Variants in TNFRSF1B observed in about 807,000 individuals in gnomAD.
TNFRSF1B encodes the protein TNF receptor superfamily member 1B.
TNFRSF1B carries 19 observed loss-of-function variants against 44.6 expected under a neutral mutation model. The observed-to-expected ratio is 0.43, with a 90% CI of 0.30 to 0.62. The LOEUF (loss-of-function observed/expected upper bound fraction) is 0.62. Among genes scored for constraint, TNFRSF1B ranks in the 20% least tolerant of loss-of-function variants. The pLI, the probability that TNFRSF1B is intolerant of heterozygous loss-of-function variation, is 0.16. For synonymous variants in TNFRSF1B, 252 were observed against 261.1 expected (o/e 0.97, Z 0.34); for missense variants, 541 against 619.9 (o/e 0.87, Z 1.35).
chr1:12,190,122 A>G (rs1570153290), intron 2 of TNFRSF1B, among the ~76,000 whole-genome samples: 1 of 152,080 alleles, frequency 6.6e-6, no homozygotes, highest in South Asian at 2.1e-4. Context: ...GCATATGAGT[A>G]CCTGTCACCG....
chr1:12,169,121 C>T lies in TNFRSF1B; in HGVS notation c.78+1952C>T, dbSNP rs1031058446. On this transcript the variant is annotated intron_variant, in intron 1 of 9. Coordinates refer to ENST00000376259, the MANE Select transcript of TNFRSF1B (RefSeq NM_001066.3). The surrounding 1 kb of genome is among the most constrained non-coding windows in gnomAD (Gnocchi z 4.5). Reference sequence around the variant, plus strand: ...GCCATTCTCTCCAGGAAAGCCTTTCCGCATTCTCAGTTGGATTTGATCTTC... The same window carrying T: ...GCCATTCTCTCCAGGAAAGCCTTTCTGCATTCTCAGTTGGATTTGATCTTC... Among the ~76,000 whole-genome samples the T allele has an allele frequency of 9.2e-5, 14 of 152,204 alleles. No homozygotes were observed. The highest frequency in any genetic ancestry group is 1.3e-4 in the Non-Finnish European group (9 of 68,042).
At position 12,202,076 on chromosome 1, in the gene TNFRSF1B, C is replaced by A; in HGVS notation, c.1010C>A (p.Ala337Glu). 5 of 1,596,264 alleles carry A rather than the reference C, an allele frequency of 3.1e-6. No homozygotes were observed. Among genetic ancestry groups the A allele is most frequent in the Non-Finnish European group, 4.3e-6 (5 of 1,172,204 alleles). The change falls in exon 9 of 10, where the codon GCG becomes GAG. Residue 337 changes from alanine (A) to glutamate (E), a missense_variant. Ala to Glu is a moderately radical substitution (Grantham distance 107). Coordinates refer to ENST00000376259, the MANE Select transcript of TNFRSF1B (RefSeq NM_001066.3). Reference sequence around the variant, plus strand: ...AGCTCCCTGGAGAGCTCGGCCAGTGCGTTGGACAGAAGGGCGCCCACTCGG... The same window carrying A: ...AGCTCCCTGGAGAGCTCGGCCAGTGAGTTGGACAGAAGGGCGCCCACTCGG... The part of the protein sequence containing the change: ...SSSSLESSAS[A>E]LDRRAPTRNQ...
chr1:12,183,679 T>TCTATCTATCTATTCTAA lies in TNFRSF1B; in HGVS notation c.79-5105_79-5104insTCTAACTATCTATCTAT, dbSNP rs1553163408. On this transcript the variant is annotated intron_variant, in intron 1 of 9. Coordinates refer to ENST00000376259, the MANE Select transcript of TNFRSF1B (RefSeq NM_001066.3). ...TTTTATCTATCTATCTATCTATCTA[T>TCTATCTATCTATTCTAA]CTATCTATCTATCTATCTATCTATC... Among the ~76,000 whole-genome samples, 6 of 127,174 alleles carry TCTATCTATCTATTCTAA rather than the reference T, an allele frequency of 4.7e-5. 1 individual carries two copies. The highest frequency in any genetic ancestry group is 1.1e-4 in the African/African-American group (4 of 36,662). The allele number at this position is 127,174 out of a possible 152,430, so 83.4% of individuals were successfully genotyped here.
chr1:12,178,726 G>T lies in TNFRSF1B; in HGVS notation c.79-10070G>T, dbSNP rs1638721330. Among the ~76,000 whole-genome samples, 1 of 152,176 alleles carries T rather than the reference G, an allele frequency of 6.6e-6. No homozygotes were observed. The highest frequency in any genetic ancestry group is 1.5e-5 in the Non-Finnish European group (1 of 68,022). On this transcript the variant is annotated intron_variant, in intron 1 of 9. Transcript: ENST00000376259. The surrounding 1 kb of genome is among the most constrained non-coding windows in gnomAD (Gnocchi z 4.3). ...TTGGGCAGAGGCAGCAGCAGTACGG[G>T]CATGGAGAAGGGGGCGGAGGAGCCA...
intron 8 of TNFRSF1B, among the ~76,000 whole-genome samples, chr1:12,197,009 G>A (rs934278506): frequency 6.7e-6 from 1 of 149,764 alleles, no homozygotes. Context: ...GTGCAGTGGC[G>A]CCCTCTTGGC....
intron 1 of TNFRSF1B, among the ~76,000 whole-genome samples, chr1:12,174,149 CTTCTT>C (rs1638586942): frequency 1.7e-4 from 16 of 93,304 alleles, no homozygotes; most frequent in Admixed American, 3.2e-4. Flanking sequence ...TCTTCTTCTT[CTTCTT>C]CTTCTTCTTC....
chr1:12,175,771 C>A (rs1450875023), intron 1 of TNFRSF1B, among the ~76,000 whole-genome samples: 1 of 152,156 alleles, frequency 6.6e-6, no homozygotes. Flanking sequence ...GGTCATTGCC[C>A]TGGTCTTTTC....
chr1:12,174,166 C>CTTCTT (rs1557623710), intron 1 of TNFRSF1B, among the ~76,000 whole-genome samples: 153 of 55,644 alleles, frequency 2.7e-3, no homozygotes, highest in East Asian at 0.011. Flanking sequence ...TTCTTCTTCT[C>CTTCTT]CTTCTCCTTC....
intron 1 of TNFRSF1B, among the ~76,000 whole-genome samples, chr1:12,184,187 TG>T (rs966872948): frequency 1.3e-5 from 2 of 152,170 alleles, no homozygotes; most frequent in African/African-American, 4.8e-5. Flanking sequence ...GGGGACCTCC[TG>T]GGGGGCCCCT....
chr1:12,201,282 A>G lies in TNFRSF1B; in HGVS notation c.901-685A>G, dbSNP rs1570173175. 4.6e-5 allele frequency among the ~76,000 whole-genome samples: 7 copies of G among 151,756 alleles called. No individual in the cohort carries two copies. The East Asian group carries it at 1.4e-3, about 29-fold the overall frequency. On this transcript the variant is annotated intron_variant, in intron 8 of 9. Coordinates refer to ENST00000376259, the MANE Select transcript of TNFRSF1B (RefSeq NM_001066.3). ...TCTCAAAAAAAAAAAAAAAAAAAAA[A>G]AGTGAAAACCATTCTTAGTGGCAGG...
At chr1:12,175,291 C>T (rs1468745075) in intron 1 of TNFRSF1B, among the ~76,000 whole-genome samples, 1 of 152,220 alleles carries the variant, frequency 6.6e-6, no homozygotes, top group Non-Finnish European at 1.5e-5. Flanking sequence ...CCTTTCTGAA[C>T]CTTGGTGGCC....
chr1:12,204,580 A>G (rs1639460806), intron 9 of TNFRSF1B, among the ~76,000 whole-genome samples: 1 of 152,074 alleles, frequency 6.6e-6, no homozygotes. Flanking sequence ...CAGTCCCTTC[A>G]TATTCATCTC....
intron 1 of TNFRSF1B, among the ~76,000 whole-genome samples, chr1:12,185,438 C>G (rs1638962587): frequency 8.4e-6 from 1 of 118,958 alleles, no homozygotes; most frequent in Non-Finnish European, 2.1e-5. Flanking sequence ...GCAGTGAGCT[C>G]CCCCCACACT....
intron 5 of TNFRSF1B, 97 bp from the exon 6 acceptor site, chr1:12,192,766 A>C: frequency 1.8e-6 from 2 of 1,094,362 alleles, no homozygotes; most frequent in South Asian, 1.5e-5. Flanking sequence ...ACACATCGTC[A>C]CTCTCCTATC....
Position 12,199,440 on chromosome 1 carries a change from G to T in TNFRSF1B, c.901-2527G>T, listed in dbSNP as rs573413744. 6.6e-6 allele frequency among the ~76,000 whole-genome samples: 1 copy of T among 152,388 alleles called. No homozygotes were observed. Among genetic ancestry groups the T allele is most frequent in the African/African-American group, 2.4e-5 (1 of 41,600 alleles). ...AGGCTTCTGCTCCTGCCACGGACCA[G>T]CTGTGTGATGCTGGGCACAGGATGC... is the stretch of plus-strand genomic sequence containing the variant. On this transcript the variant is annotated intron_variant, in intron 8 of 9. Transcript: ENST00000376259. This position sits in a 1 kb window ranked among gnomAD's most constrained non-coding sequence, Gnocchi z 4.0.
At position 12,209,097 on chromosome 1, in the gene TNFRSF1B, C is replaced by T. The variant is rs547426621; in HGVS notation, c.*2077C>T. 6.8e-4 allele frequency: 104 copies of T among 152,460 alleles called. No homozygotes were observed. The highest frequency in any genetic ancestry group is 2.2e-3 in the African/African-American group (92 of 41,536). The allele number at this position is 152,460 out of a possible 1,614,324, so 9.4% of individuals were successfully genotyped here. On this transcript the variant is annotated 3_prime_UTR_variant, in exon 10 of 10. Coordinates refer to ENST00000376259, the MANE Select transcript of TNFRSF1B (RefSeq NM_001066.3). The stretch of plus-strand genomic sequence containing the variant: ...GGCATCACAGGGCAGAGCCGGGAAG[C>T]GATGAATTTGGAGACTCTGTGGGGC...
At chr1:12,170,175 C>CCATT (rs17879153) in intron 1 of TNFRSF1B, among the ~76,000 whole-genome samples, 6 of 151,992 alleles carry the variant, frequency 3.9e-5, no homozygotes, top group Non-Finnish European at 8.8e-5. Context: ...TGAGGCAGGG[C>CCATT]CATTCATTCA....
chr1:12,198,691 GTT>G (rs60313758), intron 8 of TNFRSF1B, among the ~76,000 whole-genome samples: 3 of 85,650 alleles, frequency 3.5e-5, no homozygotes, highest in African/African-American at 4.7e-5. Flanking sequence ...CTGGAATTCT[GTT>G]TTTTTTTTTT....
intron 8 of TNFRSF1B, among the ~76,000 whole-genome samples, chr1:12,194,863 C>T (rs1639232725): frequency 6.6e-6 from 1 of 152,188 alleles, no homozygotes; most frequent in Non-Finnish European, 1.5e-5. Flanking sequence ...GGCACGTGGT[C>T]GTGGACCCAC....
Sources: allele counts gnomAD v4.1 joint callset (sites outside exome capture counted in the v4.1 genomes callset), GRCh38; gene constraint gnomAD v4.1.1; non-coding constraint Gnocchi (gnomAD v3.1); transcripts MANE v1.5; gene names NCBI Gene and HGNC (gene_info 2026-07-23, HGNC 2026-07-21).